The following REPS1 variants were observed in gnomAD, a reference collection of about 807,000 sequenced individuals.
REPS1 encodes the protein RALBP1 associated Eps domain containing 1.
A neutral mutation model predicts 100.9 loss-of-function variants in REPS1; 39 were observed. The observed-to-expected ratio is 0.39, with a 90% CI of 0.30 to 0.50. The LOEUF (loss-of-function observed/expected upper bound fraction) is 0.50, where lower values mean the gene tolerates loss of function less well. REPS1 is among the 20% of genes least tolerant of loss of function. The probability of loss-of-function intolerance (pLI) is 0.86; values close to 1 mark genes in which losing one functional copy is unlikely to be tolerated. For missense variants in REPS1, 821 were observed against 968.5 expected, an observed-to-expected ratio of 0.85 and a Z score of 2.02; for synonymous variants, 324 against 340.3, an observed-to-expected ratio of 0.95 and a Z score of 0.53.
At chr6:138,944,321 A>T (rs1381020475) in intron 5 of REPS1, among the ~76,000 whole-genome samples, 177 bp downstream of exon 5, 1 of 152,252 alleles carries the variant, frequency 6.6e-6, no homozygotes, top group Non-Finnish European at 1.5e-5. Context: ...ACAGAAATAA[A>T]ATCAGCTGAA....
In REPS1 at chr6:138,947,917, T is replaced by C. The variant is rs1782744247; in HGVS notation, c.154-4A>G. On this transcript the variant is annotated splice_region_variant and splice_polypyrimidine_tract_variant and intron_variant, in intron 1 of 19. Coordinates refer to ENST00000450536, the MANE Select transcript of REPS1 (RefSeq NM_001286611.2). ...TTGCACCACAAAGCTCCATGATCTA[T>C]AAAATAACATAATGTTAACATTAAG... The C allele has an allele frequency of 2.5e-6, 4 of 1,580,200 alleles. No homozygotes were observed. Among genetic ancestry groups the C allele is most frequent in the Non-Finnish European group, 3.4e-6 (4 of 1,169,088 alleles).
intron 16 of REPS1, 196 bp downstream of exon 16, chr6:138,912,569 A>G (rs1780079796): frequency 1.6e-5 from 9 of 580,216 alleles, no homozygotes; most frequent in Non-Finnish European, 2.7e-5. Flanking sequence ...TCAATCCCCC[A>G]CCCCCACCAG....
chr6:138,941,422 C>T lies in REPS1; in HGVS notation c.1048G>A (p.Val350Met), dbSNP rs751070060. ...TCATAGCCATTCTTCCTAGCAACCACCAGATGAAAAGCAGCACAAAACTCA... is the reference window on the plus strand; with the variant it reads ...TCATAGCCATTCTTCCTAGCAACCATCAGATGAAAAGCAGCACAAAACTCA... The part of the protein sequence containing the change: ...LDEFCAAFHL[V>M]VARKNGYDLP... The change falls in exon 8 of 20, where the codon GTG becomes ATG. Residue 350 changes from valine to methionine, a missense_variant. Transcript: ENST00000450536. 6.2e-7 allele frequency: 1 copy of T among 1,613,982 alleles called. No individual in the cohort carries two copies. The highest frequency in any genetic ancestry group is 1.7e-5 in the Admixed American group (1 of 60,026).
intron 1 of REPS1, among the ~76,000 whole-genome samples, chr6:138,983,856 A>T (rs1785093690): frequency 6.6e-6 from 1 of 152,188 alleles, no homozygotes; most frequent in Non-Finnish European, 1.5e-5. Flanking sequence ...ATCTCCACCC[A>T]CTTCCCACTG....
At position 138,987,861 on chromosome 6, in the gene REPS1, G is replaced by C. The variant is rs1490249295; in HGVS notation, c.-179C>G. ...CAACAGGGCCCGGAGGTCGCGAGGA[G>C]GGGGCCCGGCTGCGCTCGCCGCGCC... On this transcript the variant is annotated 5_prime_UTR_variant, in exon 1 of 20. Coordinates refer to ENST00000450536, the MANE Select transcript of REPS1 (RefSeq NM_001286611.2). 4 of 642,540 alleles carry C rather than the reference G, an allele frequency of 6.2e-6. No individual in the cohort carries two copies. The highest frequency in any genetic ancestry group is 8.9e-6 in the Non-Finnish European group (4 of 451,578). 39.8% of individuals were successfully genotyped at this position (642,540 alleles called of 1,614,324 possible).
Position 138,926,492 on chromosome 6 carries a change from AGAG to A in REPS1, c.1258-14_1258-12del, listed in dbSNP as rs1441445081. 1.3e-6 allele frequency: 2 copies of A among 1,589,070 alleles called. No homozygotes were observed. Among genetic ancestry groups the A allele is most frequent in the Non-Finnish European group, 1.7e-6 (2 of 1,158,834 alleles). On this transcript the variant is annotated splice_polypyrimidine_tract_variant and intron_variant, in intron 9 of 19. Coordinates refer to ENST00000450536, the MANE Select transcript of REPS1 (RefSeq NM_001286611.2). ...AAATGTCTCCCACTGCTGAACAGAC[AGAG>A]GAGAGACAAGTCAGCATGATGAGAA... is the stretch of plus-strand genomic sequence containing the variant.
At chr6:138,954,682 T>C (rs549549437) in intron 1 of REPS1, among the ~76,000 whole-genome samples, 8 of 152,130 alleles carry the variant, frequency 5.3e-5, no homozygotes, top group Non-Finnish European at 1.0e-4. Flanking sequence ...TATGGACAAT[T>C]ATTAATTCTT....
intron 1 of REPS1, among the ~76,000 whole-genome samples, chr6:138,958,924 T>C (rs1783566182): frequency 6.6e-6 from 1 of 152,208 alleles, no homozygotes; most frequent in Non-Finnish European, 1.5e-5. Flanking sequence ...GAAAATTACA[T>C]GAGCATCTAT....
chr6:138,943,347 C>A (rs1014908070), intron 7 of REPS1, among the ~76,000 whole-genome samples, 166 bp downstream of exon 7: 2 of 152,164 alleles, frequency 1.3e-5, no homozygotes, highest in African/African-American at 4.8e-5. Context: ...TCACTTATTT[C>A]TTTTCTGCAG....
chr6:138,939,650 A>G (rs190187018), intron 8 of REPS1, among the ~76,000 whole-genome samples: 113 of 152,356 alleles, frequency 7.4e-4, no homozygotes, highest in African/African-American at 2.6e-3. Flanking sequence ...GCTTGAAGTC[A>G]TATAAAAGCT....
At chr6:138,918,051 GTTTT>G (rs770865896) in intron 12 of REPS1, among the ~76,000 whole-genome samples, 2 of 151,554 alleles carry the variant, frequency 1.3e-5, no homozygotes, top group Admixed American at 6.6e-5. Flanking sequence ...CAGCATGACC[GTTTT>G]TTTAATATAG....
intron 13 of REPS1, 46 bp downstream of exon 13, chr6:138,917,509 C>T (rs780347037): frequency 6.4e-6 from 9 of 1,402,988 alleles, no homozygotes; most frequent in African/African-American, 2.8e-5. Flanking sequence ...AACATTAAAA[C>T]GCAGCAAGAT....
At chr6:138,954,399 T>C (rs1783242300) in intron 1 of REPS1, among the ~76,000 whole-genome samples, 2 of 151,958 alleles carry the variant, frequency 1.3e-5, no homozygotes, top group South Asian at 2.1e-4. Context: ...CTATACATTG[T>C]ATTAGGGGTA....
chr6:138,926,306 C>T (rs2128452394), intron 10 of REPS1, 95 bp downstream of exon 10: 2 of 894,826 alleles, frequency 2.2e-6, no homozygotes, highest in Middle Eastern at 2.2e-4. Context: ...TCTAAGCACT[C>T]CACTGAATCA....
intron 1 of REPS1, among the ~76,000 whole-genome samples, chr6:138,985,732 A>G (rs1263989458): frequency 2.0e-5 from 3 of 152,224 alleles, no homozygotes; most frequent in Admixed American, 2.0e-4. Flanking sequence ...AATGTTAATA[A>G]AATTGAGCAA....
intron 19 of REPS1, among the ~76,000 whole-genome samples, chr6:138,905,340 G>A (rs569763139): frequency 1.1e-4 from 16 of 152,268 alleles, no homozygotes; most frequent in South Asian, 6.2e-4. Flanking sequence ...GCCGGACTGC[G>A]GACTGCAATG....
chr6:138,968,074 T>C (rs1242937951), intron 1 of REPS1, among the ~76,000 whole-genome samples: 1 of 152,228 alleles, frequency 6.6e-6, no homozygotes, highest in South Asian at 2.1e-4. Context: ...TTTCACCTTA[T>C]GATGGGTTTA....
chr6:138,939,134 A>G (rs1782060166), intron 8 of REPS1, among the ~76,000 whole-genome samples: 1 of 152,234 alleles, frequency 6.6e-6, no homozygotes, highest in South Asian at 2.1e-4. Flanking sequence ...AAGAAAAATG[A>G]TAAGTTATAT....
At chr6:138,926,759 T>C (rs1423193576) in intron 9 of REPS1, 26 of 278,556 alleles carry the variant, frequency 9.3e-5, no homozygotes, top group Non-Finnish European at 1.6e-4. Context: ...TAAAACACAA[T>C]ACAGGAGCAA....
Sources: allele counts gnomAD v4.1 joint callset (sites outside exome capture counted in the v4.1 genomes callset), GRCh38; gene constraint gnomAD v4.1.1; transcripts MANE v1.5; gene names NCBI Gene and HGNC (gene_info 2026-07-23, HGNC 2026-07-21).